RBFOX1: variants seen among roughly 807,000 people sequenced by gnomAD.
RBFOX1 encodes RNA binding fox-1 homolog 1, also known as RNA binding protein fox-1 homolog 1.
RBFOX1 carries 8 observed loss-of-function variants against 57.7 expected under a neutral mutation model. The observed-to-expected ratio is 0.14, with a 90% confidence interval of 0.08 to 0.25. The LOEUF is 0.25. Ranked by LOEUF, RBFOX1 falls within the 10% of genes least tolerant of loss-of-function variation. The pLI is 1.00. For synonymous variants in RBFOX1, 326 were observed against 222.4 expected (o/e 1.47, Z -4.15); for missense variants, 611 against 548.5 (o/e 1.11, Z -1.14).
chr16:5,555,911 C>T (rs1047772444), intron 2 of RBFOX1, among the ~76,000 whole-genome samples: 2 of 152,028 alleles, frequency 1.3e-5, no homozygotes, highest in Non-Finnish European at 2.9e-5. Context: ...ATCCCAGTTA[C>T]TTGGGAGGCT....
At chr16:7,400,544 C>G (rs1347087183) in intron 4 of RBFOX1, among the ~76,000 whole-genome samples, 1 of 152,092 alleles carries the variant, frequency 6.6e-6, no homozygotes, top group Non-Finnish European at 1.5e-5. Context: ...TATTCCTTTC[C>G]GGATTCTTCA....
intron 4 of RBFOX1, among the ~76,000 whole-genome samples, chr16:7,386,300 G>A (rs535742126): frequency 1.3e-5 from 2 of 152,036 alleles, no homozygotes; most frequent in Non-Finnish European, 2.9e-5. Flanking sequence ...TTGTTACATA[G>A]CTATACATGT....
chr16:5,465,176 G>C lies in RBFOX1; in HGVS notation c.220-2040G>C, dbSNP rs77297000. ...TGGAGTCCAGAAGTCCAAGATCGAG[G>C]TGTCAGCAGGATTGGTTTCTTCTGA... On this transcript the variant is annotated intron_variant, in intron 1 of 2. Transcript: ENST00000585867. 1.4e-3 allele frequency among the ~76,000 whole-genome samples: 206 copies of C among 152,270 alleles called. 1 individual carries two copies. The highest frequency in any genetic ancestry group is 4.8e-3 in the African/African-American group (198 of 41,568).
At chr16:6,756,294 C>G (rs923607710) in intron 3 of RBFOX1, among the ~76,000 whole-genome samples, 3 of 152,058 alleles carry the variant, frequency 2.0e-5, no homozygotes, top group Non-Finnish European at 4.4e-5. Context: ...AAACAAGACC[C>G]TATTTCTTAC....
chr16:7,691,590 A>C (rs2077348805), intron 14 of RBFOX1, among the ~76,000 whole-genome samples: 1 of 152,128 alleles, frequency 6.6e-6, no homozygotes. Context: ...ATTTTTAAAA[A>C]CAAGCCTAGT....
chr16:5,354,478 T>G (rs984938785), intron 1 of RBFOX1, among the ~76,000 whole-genome samples: 25 of 152,176 alleles, frequency 1.6e-4, no homozygotes, highest in Non-Finnish European at 3.2e-4. Flanking sequence ...GAGTTATCAT[T>G]GTGCCTTCCC....
chr16:7,034,525 G>A (rs1426795598), intron 3 of RBFOX1, among the ~76,000 whole-genome samples: 1 of 152,130 alleles, frequency 6.6e-6, no homozygotes, highest in East Asian at 1.9e-4. Context: ...AAAGATGGAT[G>A]GGAAGTGGGA....
intron 2 of RBFOX1, among the ~76,000 whole-genome samples, chr16:5,569,662 A>T (rs2046211613): frequency 1.3e-5 from 2 of 151,330 alleles, no homozygotes; most frequent in African/African-American, 2.4e-5. Flanking sequence ...CAGGAGTCTA[A>T]CTCCAAAGCC....
intron 1 of RBFOX1, among the ~76,000 whole-genome samples, chr16:5,333,897 C>G (rs567742914): frequency 1.3e-5 from 2 of 152,264 alleles, no homozygotes; most frequent in South Asian, 4.1e-4. Flanking sequence ...TCTTATGGAC[C>G]ACCATTGCAA....
At chr16:5,388,389 G>C (rs1361088720) in intron 1 of RBFOX1, among the ~76,000 whole-genome samples, 2 of 152,126 alleles carry the variant, frequency 1.3e-5, no homozygotes, top group African/African-American at 2.4e-5. Flanking sequence ...AAATATGTCA[G>C]GCCTTGTGGT....
intron 4 of RBFOX1, among the ~76,000 whole-genome samples, chr16:7,148,910 A>G (rs1264651848): frequency 6.6e-6 from 1 of 152,184 alleles, no homozygotes; most frequent in African/African-American, 2.4e-5. Flanking sequence ...CTGACTTTGC[A>G]TGTGCCTAAA....
At chr16:7,417,435 A>G (rs2098491588) in intron 4 of RBFOX1, among the ~76,000 whole-genome samples, 3 of 151,480 alleles carry the variant, frequency 2.0e-5, no homozygotes, top group Admixed American at 2.0e-4. Context: ...CAGTGGTAAC[A>G]TCTTATATAA....
intron 4 of RBFOX1, among the ~76,000 whole-genome samples, chr16:5,991,044 T>C (rs1230758154): frequency 6.6e-6 from 1 of 152,334 alleles, no homozygotes; most frequent in Non-Finnish European, 1.5e-5. Context: ...AATGTTTTAA[T>C]GGAAAATTCT....
intron 1 of RBFOX1, among the ~76,000 whole-genome samples, chr16:5,389,605 CTGTT>C (rs1457606051): frequency 6.6e-6 from 1 of 152,122 alleles, no homozygotes; most frequent in Non-Finnish European, 1.5e-5. Context: ...TTCTCTCTGT[CTGTT>C]TGCTTGCAAT....
At chr16:7,005,323 G>C (rs1471529363) in intron 3 of RBFOX1, among the ~76,000 whole-genome samples, 1 of 152,094 alleles carries the variant, frequency 6.6e-6, no homozygotes, top group South Asian at 2.1e-4. Flanking sequence ...CAATGAGACT[G>C]TGTTCTTGCT....
At chr16:6,826,390 C>G (rs933467277) in intron 3 of RBFOX1, among the ~76,000 whole-genome samples, 1 of 152,132 alleles carries the variant, frequency 6.6e-6, no homozygotes, top group African/African-American at 2.4e-5. Flanking sequence ...CTGCCTGGTA[C>G]ATAGTAAATA....
At chr16:5,713,465 G>A (rs74006222) in intron 3 of RBFOX1, among the ~76,000 whole-genome samples, 110 of 152,242 alleles carry the variant, frequency 7.2e-4, no homozygotes, top group African/African-American at 2.5e-3. Flanking sequence ...CCCTGTCTGA[G>A]CTAATCTGGG....
intron 4 of RBFOX1, among the ~76,000 whole-genome samples, chr16:7,360,189 T>C (rs937293629): frequency 6.6e-6 from 1 of 152,224 alleles, no homozygotes; most frequent in Non-Finnish European, 1.5e-5. Flanking sequence ...GCATGTCACA[T>C]GCTATATATA....
intron 2 of RBFOX1, among the ~76,000 whole-genome samples, chr16:6,629,543 A>G (rs2098356823): frequency 6.6e-6 from 1 of 152,224 alleles, no homozygotes; most frequent in Non-Finnish European, 1.5e-5. Context: ...TGAAACGTGT[A>G]GATAAAAATC....
Sources: allele counts gnomAD v4.1 joint callset (sites outside exome capture counted in the v4.1 genomes callset), GRCh38; gene constraint gnomAD v4.1.1; transcripts MANE v1.5; gene names NCBI Gene and HGNC (gene_info 2026-07-23, HGNC 2026-07-21).